SLC22A13: variants seen among roughly 807,000 people sequenced by gnomAD.
The protein encoded by SLC22A13 is organic anion transporter 10.
In SLC22A13, 42 loss-of-function variants were observed where a neutral mutation model predicts 49.1. The observed-to-expected ratio is 0.85, with a 90% CI of 0.67 to 1.11. The LOEUF is 1.11. SLC22A13 is among the 50% of genes least tolerant of loss of function. The pLI, the probability that SLC22A13 is intolerant of heterozygous loss-of-function variation, is 0.00. For missense variants in SLC22A13, 694 were observed against 712.8 expected, an observed-to-expected ratio of 0.97 and a Z score of 0.30; for synonymous variants, 282 against 293.1, an observed-to-expected ratio of 0.96 and a Z score of 0.39.
chr3:38,271,542 C>CA (rs397837435), intron 1 of SLC22A13, among the ~76,000 whole-genome samples: 2,061 of 48,196 alleles, frequency 0.043, 74 homozygotes, highest in Non-Finnish European at 0.069. Flanking sequence ...GACGCTTTCT[C>CA]AAAAAAAAAA....
intron 1 of SLC22A13, 87 bp from the exon 2 acceptor site, chr3:38,274,185 G>T (rs549189321): frequency 2.0e-6 from 2 of 980,702 alleles, no homozygotes; most frequent in East Asian, 2.4e-5. Context: ...ATGAGCTCCT[G>T]CCCTGAAGGG....
intron 1 of SLC22A13, among the ~76,000 whole-genome samples, chr3:38,272,462 C>T (rs1450900821): frequency 2.0e-5 from 3 of 152,248 alleles, no homozygotes; most frequent in African/African-American, 4.8e-5. Context: ...AAGACACAGA[C>T]AGATGGGCTA....
At chr3:38,266,947 G>A (rs1387762961) in intron 1 of SLC22A13, among the ~76,000 whole-genome samples, 4 of 152,230 alleles carry the variant, frequency 2.6e-5, no homozygotes, top group African/African-American at 7.2e-5. Flanking sequence ...GGCACAGAAT[G>A]AGGATATGGC....
intron 1 of SLC22A13, 87 bp downstream of exon 1, chr3:38,266,325 G>C (rs1703464531): frequency 6.8e-7 from 1 of 1,470,230 alleles, no homozygotes; most frequent in Non-Finnish European, 9.3e-7. Context: ...CACTGGCTCT[G>C]TATCTGCCCC....
chr3:38,273,036 T>C (rs1703537905), intron 1 of SLC22A13, among the ~76,000 whole-genome samples: 1 of 152,148 alleles, frequency 6.6e-6, no homozygotes. Context: ...ATCATGCATG[T>C]AAAGTGTTTA....
At chr3:38,268,768 G>C in intron 1 of SLC22A13, among the ~76,000 whole-genome samples, 1 of 152,182 alleles carries the variant, frequency 6.6e-6, no homozygotes, top group African/African-American at 2.4e-5. Flanking sequence ...AGAAAAGGCA[G>C]CTTTCAGAAA....
intron 1 of SLC22A13, among the ~76,000 whole-genome samples, chr3:38,273,865 A>G (rs1228991764): frequency 2.0e-5 from 3 of 152,196 alleles, no homozygotes; most frequent in Non-Finnish European, 4.4e-5. Context: ...GCATTGTACA[A>G]CTTCTCAGTC....
Position 38,277,078 on chromosome 3 carries a change from C to G in SLC22A13, c.1513C>G (p.Gln505Glu), listed in dbSNP as rs912081119. 1 of 1,583,294 alleles carries G rather than the reference C, an allele frequency of 6.3e-7. No individual in the cohort carries two copies. Among genetic ancestry groups the G allele is most frequent in the Non-Finnish European group, 8.6e-7 (1 of 1,164,608 alleles). The change falls in exon 9 of 10, where the codon CAG becomes GAG. Residue 505 changes from glutamine to glutamate, a missense_variant. By Grantham distance (29) the Gln-to-Glu change is conservative (BLOSUM62 2). Coordinates refer to ENST00000311856, the MANE Select transcript of SLC22A13 (RefSeq NM_004256.4). ...LCTLLPETHG[Q>E]GLKDTLQDLE... ...CACCCTGCTGCCAGAGACGCATGGCCAGGGCCTGAAAGACACCCTCCAGGA... is the reference window on the plus strand; with the variant it reads ...CACCCTGCTGCCAGAGACGCATGGCGAGGGCCTGAAAGACACCCTCCAGGA...
At position 38,278,689 on chromosome 3, in the gene SLC22A13, G is replaced by A. The variant is rs1433896787; in HGVS notation, c.*1224G>A. ...ACAAAAATTAGCCCTATATGGTGGT[G>A]CATGCCTGTAATCCCAGCTACTTGG... On this transcript the variant is annotated 3_prime_UTR_variant, in exon 10 of 10. Coordinates refer to ENST00000311856, the MANE Select transcript of SLC22A13 (RefSeq NM_004256.4). 1.3e-5 allele frequency among the ~76,000 whole-genome samples: 2 copies of A among 151,822 alleles called. No individual in the cohort carries two copies. The highest frequency in any genetic ancestry group is 2.9e-5 in the Non-Finnish European group (2 of 67,912).
intron 8 of SLC22A13, 27 bp downstream of exon 8, chr3:38,276,422 C>T (rs1195183211): frequency 2.7e-6 from 4 of 1,465,470 alleles, no homozygotes; most frequent in African/African-American, 1.4e-5. Flanking sequence ...GACTCCTGCT[C>T]CTCTGCTACT....
At chr3:38,267,293 C>T (rs190803237) in intron 1 of SLC22A13, among the ~76,000 whole-genome samples, 31 of 152,166 alleles carry the variant, frequency 2.0e-4, no homozygotes, top group African/African-American at 7.0e-4. Context: ...TCCTGCCTGT[C>T]CTTCTCCCAA....
chr3:38,266,540 T>C (rs1703466378), intron 1 of SLC22A13, among the ~76,000 whole-genome samples: 1 of 152,178 alleles, frequency 6.6e-6, no homozygotes, highest in African/African-American at 2.4e-5. Context: ...CCTCTCCTCT[T>C]TTCCTATCTT....
In SLC22A13 at chr3:38,268,408, T is replaced by C. The variant is rs1703484991; in HGVS notation, c.378+2170T>C. ...GGTGTTATCATTCCATAGACATCTA[T>C]CTTATACAGAGCATCACCCTCACAT... is the stretch of plus-strand genomic sequence containing the variant. On this transcript the variant is annotated intron_variant, in intron 1 of 9. Coordinates refer to ENST00000311856, the MANE Select transcript of SLC22A13 (RefSeq NM_004256.4). 2.0e-5 allele frequency among the ~76,000 whole-genome samples: 3 copies of C among 152,164 alleles called. No individual in the cohort carries two copies. In the South Asian group the frequency reaches 6.2e-4, roughly 32 times the overall value.
At chr3:38,266,318 T>C in intron 1 of SLC22A13, 80 bp downstream of exon 1, 2 of 1,509,236 alleles carry the variant, frequency 1.3e-6, no homozygotes, top group Non-Finnish European at 1.8e-6. Flanking sequence ...CCTCAGTCAC[T>C]GGCTCTGTAT....
intron 1 of SLC22A13, among the ~76,000 whole-genome samples, chr3:38,267,585 C>T (rs1166857340): frequency 6.6e-6 from 1 of 152,210 alleles, no homozygotes; most frequent in Non-Finnish European, 1.5e-5. Context: ...GCCTTCTTCA[C>T]ACCCCATGCT....
chr3:38,274,504 TCAGA>T lies in SLC22A13; in HGVS notation c.483-95_483-92del, dbSNP rs764555517. 1.3e-4 allele frequency: 188 copies of T among 1,473,116 alleles called. 2 individuals carry two copies. In the East Asian group the frequency reaches 3.1e-3, roughly 24 times the overall value. The allele number at this position is 1,473,116 out of a possible 1,614,324, so 91.3% of individuals were successfully genotyped here. ...TCTTCCCCCTACCCTCAAATGGGGCTCAGACAGAGACCCCAGGACAGGGCTGGGC... is the reference window on the plus strand; with the variant it reads ...TCTTCCCCCTACCCTCAAATGGGGCTCAGAGACCCCAGGACAGGGCTGGGC... On this transcript the variant is annotated intron_variant, in intron 2 of 9. Coordinates refer to ENST00000311856, the MANE Select transcript of SLC22A13 (RefSeq NM_004256.4).
Position 38,275,914 on chromosome 3 carries a change from G to GCCTC in SLC22A13, c.1057_1060dup (p.Gln354ProfsTer21). The GCCTC allele has an allele frequency of 6.2e-7, 1 of 1,614,212 alleles. No homozygotes were observed. ...GACAGTCTGGGGTACTACGGCCTGAGCCTCCAAGTGGGGGACTTCGGCCTG... is the reference window on the plus strand; with the variant it reads ...GACAGTCTGGGGTACTACGGCCTGAGCCTCCCTCCAAGTGGGGGACTTCGGCCTG... On this transcript the variant is annotated frameshift_variant, in exon 7 of 10. Coordinates refer to ENST00000311856, the MANE Select transcript of SLC22A13 (RefSeq NM_004256.4). LOFTEE classifies it high-confidence loss of function.
Position 38,276,803 on chromosome 3 carries a change from G to A in SLC22A13, c.1347-109G>A, listed in dbSNP as rs1157159674. 1.2e-5 allele frequency: 11 copies of A among 929,606 alleles called. No individual in the cohort carries two copies. The East Asian group carries it at 2.6e-4, about 22-fold the overall frequency. The allele number at this position is 929,606 out of a possible 1,614,324, so 57.6% of individuals were successfully genotyped here. On this transcript the variant is annotated intron_variant, in intron 8 of 9. Coordinates refer to ENST00000311856, the MANE Select transcript of SLC22A13 (RefSeq NM_004256.4). ...GCTGGCTGGGCTGGGTGAGGCTGGA[G>A]ACCCTGCAGACCTTTGAGGTCTGGA...
chr3:38,265,856 C>T lies in SLC22A13; in HGVS notation c.-5C>T. 1 of 1,613,578 alleles carries T rather than the reference C, an allele frequency of 6.2e-7. No homozygotes were observed. Among genetic ancestry groups the T allele is most frequent in the Non-Finnish European group, 8.5e-7 (1 of 1,179,612 alleles). On this transcript the variant is annotated 5_prime_UTR_variant, in exon 1 of 10. Transcript: ENST00000311856. The stretch of plus-strand genomic sequence containing the variant: ...CCCAGGCTGAGGAGGTAGTGACTGG[C>T]ATACATGGCTCAGTTTGTCCAGGTC...
Sources: gnomAD v4.1 joint callset for allele counts (sites outside exome capture counted in the v4.1 genomes callset) on GRCh38, gnomAD v4.1.1 for gene constraint, MANE v1.5 for transcripts, NCBI Gene and HGNC (gene_info 2026-07-23, HGNC 2026-07-21) for gene names.